DYNC2I2: variants seen among roughly 807,000 people sequenced by gnomAD.
DYNC2I2 encodes the protein dynein 2 intermediate chain 2.
DYNC2I2 carries 39 observed loss-of-function variants against 52.0 expected under a neutral mutation model. The observed-to-expected ratio is 0.75, with a 90% CI of 0.58 to 0.98. The LOEUF (loss-of-function observed/expected upper bound fraction) is 0.98. Ranked by LOEUF, DYNC2I2 falls within the 50% of genes least tolerant of loss-of-function variation. The pLI is 0.00. For missense variants in DYNC2I2, 743 were observed against 728.4 expected (o/e 1.02, Z -0.23); for synonymous variants, 359 against 321.1 (o/e 1.12, Z -1.26).
chr9:128,640,285 C>T (rs1439933900), intron 2 of DYNC2I2, among the ~76,000 whole-genome samples: 2 of 152,292 alleles, frequency 1.3e-5, no homozygotes, highest in South Asian at 2.1e-4. Context: ...GCTGGGATTA[C>T]AGGCGTGAGC....
chr9:128,652,918 CAAAAA>C lies in DYNC2I2; in HGVS notation c.186+3618_186+3622del, dbSNP rs759120754. Among the ~76,000 whole-genome samples, 133 of 133,444 alleles carry C rather than the reference CAAAAA, an allele frequency of 1.0e-3. 1 individual carries two copies. The highest frequency in any genetic ancestry group is 2.7e-3 in the Admixed American group (35 of 13,134). The allele number at this position is 133,444 out of a possible 152,430, so 87.5% of individuals were successfully genotyped here. A position where few individuals can be genotyped will look rare whatever the true frequency, so the allele number is the denominator to read the frequency against. Reference sequence around the variant, plus strand: ...GGGCAACAAAAGCGAAACTCCGTCTCAAAAAAAAAAAAGTAAGTACCAAGAGTGCC... The same window carrying C: ...GGGCAACAAAAGCGAAACTCCGTCTCAAAAAAAGTAAGTACCAAGAGTGCC... On this transcript the variant is annotated intron_variant, in intron 1 of 8. Transcript: ENST00000372715.
chr9:128,655,335 TAAAAAAAAAA>T (rs869197100), intron 1 of DYNC2I2, among the ~76,000 whole-genome samples: 8 of 18,690 alleles, frequency 4.3e-4, no homozygotes, highest in Non-Finnish European at 9.2e-4. Flanking sequence ...CCGTCTCTAC[TAAAAAAAAAA>T]AAAAAAAAAA....
intron 3 of DYNC2I2, 54 bp downstream of exon 3, chr9:128,636,864 C>G: frequency 7.1e-7 from 1 of 1,405,412 alleles, no homozygotes; most frequent in African/African-American, 1.4e-5. Context: ...AGACAAGGCC[C>G]AAGGAGGGTC....
chr9:128,666,842 G>A, the DYNC2I2 span, among the ~76,000 whole-genome samples: 1 of 152,012 alleles, frequency 6.6e-6, no homozygotes, highest in African/African-American at 2.4e-5. Context: ...TAAGGTGGAT[G>A]GATCACTTGA....
intron 2 of DYNC2I2, among the ~76,000 whole-genome samples, chr9:128,637,694 C>T (rs1294332328): frequency 6.6e-6 from 1 of 152,152 alleles, no homozygotes; most frequent in Middle Eastern, 3.2e-3. Flanking sequence ...CCGCCTGCCT[C>T]GGTCTCCCAA....
chr9:128,679,733 G>C, the DYNC2I2 span, among the ~76,000 whole-genome samples: 1 of 149,934 alleles, frequency 6.7e-6, no homozygotes, highest in Non-Finnish European at 1.5e-5. Context: ...TGAGGCCTCT[G>C]CCTCCTGGTT....
chr9:128,637,937 A>C (rs901238810), intron 2 of DYNC2I2, among the ~76,000 whole-genome samples: 1 of 152,126 alleles, frequency 6.6e-6, no homozygotes, highest in Non-Finnish European at 1.5e-5. Context: ...ATTCTACATA[A>C]AGAAACTATC....
chr9:128,636,172 G>A (rs764977730), intron 4 of DYNC2I2, 109 bp downstream of exon 4: 10 of 1,490,752 alleles, frequency 6.7e-6, no homozygotes, highest in Middle Eastern at 1.8e-4. Flanking sequence ...GTCAGGGCCC[G>A]CCTTCCTGTC....
intron 1 of DYNC2I2, among the ~76,000 whole-genome samples, chr9:128,642,752 T>C (rs1860542431): frequency 1.3e-5 from 2 of 151,560 alleles, no homozygotes; most frequent in Admixed American, 6.6e-5. Context: ...GAGACTCCAT[T>C]TCAAAAAAAA....
At position 128,640,879 on chromosome 9, in the gene DYNC2I2, C is replaced by A. The variant is rs753592308; in HGVS notation, c.247G>T (p.Val83Leu). The A allele has an allele frequency of 6.2e-7, 1 of 1,613,344 alleles. No individual in the cohort carries two copies. ...GCCTCCGTCTGCACCTGGGCGTCCA[C>A]ATGATTCCTGGCCTGGGCGGATGCA... Reference protein sequence around the residue: ...ASASAQARNHVDAQVQTEAPV... With the variant: ...ASASAQARNHLDAQVQTEAPV... Residue 83 changes from valine (V) to leucine (L), a missense_variant, in exon 2 of 9, where the codon GTG (valine) becomes TTG (leucine). Transcript: ENST00000372715.
At chr9:128,678,447 A>ATTT in the DYNC2I2 span, among the ~76,000 whole-genome samples, 1 of 78,224 alleles carries the variant, frequency 1.3e-5, no homozygotes, top group Non-Finnish European at 2.4e-5. Flanking sequence ...GACCACAGGT[A>ATTT]ATTTTTTTTT....
At chr9:128,647,759 G>C (rs1860643625) in intron 1 of DYNC2I2, among the ~76,000 whole-genome samples, 1 of 151,046 alleles carries the variant, frequency 6.6e-6, no homozygotes, top group Non-Finnish European at 1.5e-5. Flanking sequence ...AAAGCGTTCA[G>C]GGGAATACAA....
At chr9:128,647,625 C>T (rs1425138654) in intron 1 of DYNC2I2, among the ~76,000 whole-genome samples, 1 of 151,222 alleles carries the variant, frequency 6.6e-6, no homozygotes, top group Non-Finnish European at 1.5e-5. Flanking sequence ...ATCCCAGCTA[C>T]TCAGGAGGCT....
intron 7 of DYNC2I2, 87 bp downstream of exon 7, chr9:128,634,602 A>G (rs1860330817): frequency 7.2e-7 from 1 of 1,386,774 alleles, no homozygotes; most frequent in African/African-American, 1.5e-5. Context: ...AAGCACTTGA[A>G]GCAGTTTGTC....
chr9:128,682,249 C>T, the DYNC2I2 span, among the ~76,000 whole-genome samples: 6 of 151,984 alleles, frequency 3.9e-5, no homozygotes, highest in African/African-American at 1.4e-4. Flanking sequence ...GGGGCTTCAC[C>T]GTGTTAGCCA....
the DYNC2I2 span, among the ~76,000 whole-genome samples, chr9:128,679,253 G>A: frequency 1.3e-5 from 2 of 152,020 alleles, no homozygotes; most frequent in South Asian, 4.1e-4. Flanking sequence ...TGTCAGGCTC[G>A]CTTGCCCTTT....
chr9:128,641,764 G>A (rs916820712), intron 1 of DYNC2I2, among the ~76,000 whole-genome samples: 3 of 152,050 alleles, frequency 2.0e-5, no homozygotes, highest in African/African-American at 2.4e-5. Flanking sequence ...CAAGCCCGGA[G>A]GAAGAGGGCA....
Position 128,634,875 on chromosome 9 carries a change from G to C in DYNC2I2, c.1028C>G (p.Ser343Cys), listed in dbSNP as rs1168950057. 1 of 1,613,270 alleles carries C rather than the reference G, an allele frequency of 6.2e-7. No individual in the cohort carries two copies. Among genetic ancestry groups the C allele is most frequent in the Non-Finnish European group, 8.5e-7 (1 of 1,179,952 alleles). Residue 343 changes from serine to cysteine, a missense_variant, in exon 7 of 9, where the codon TCC becomes TGC. By Grantham distance (112) the Ser-to-Cys change is moderately radical (BLOSUM62 -1). Transcript: ENST00000372715. ...TEVGATAVAF[S>C]SFDPRLFILG... Reference sequence around the variant, plus strand: ...AATGAACAGCCTAGGGTCAAAGCTGGAGAAGGCCACTGCCGTGGCGCCCAC... The same window carrying C: ...AATGAACAGCCTAGGGTCAAAGCTGCAGAAGGCCACTGCCGTGGCGCCCAC...
chr9:128,674,567 C>A, the DYNC2I2 span, among the ~76,000 whole-genome samples: 1 of 151,940 alleles, frequency 6.6e-6, no homozygotes, highest in Non-Finnish European at 1.5e-5. Flanking sequence ...TATGGTGACA[C>A]CCTTGTCTGT....
Sources: allele counts gnomAD v4.1 joint callset (sites outside exome capture counted in the v4.1 genomes callset), GRCh38; gene constraint gnomAD v4.1.1; transcripts MANE v1.5; gene names NCBI Gene and HGNC (gene_info 2026-07-23, HGNC 2026-07-21).